The following KCNH7 variants were observed in gnomAD, a reference collection of about 807,000 sequenced individuals.
KCNH7 encodes voltage-gated inwardly rectifying potassium channel KCNH7.
In KCNH7, 49 loss-of-function variants were observed where a neutral mutation model predicts 120.8. The ratio of observed to expected loss-of-function variants is 0.41; its 90% CI spans 0.32 to 0.51. The LOEUF (loss-of-function observed/expected upper bound fraction) is 0.51, where lower values mean the gene tolerates loss of function less well. Ranked by LOEUF, KCNH7 falls within the 20% of genes least tolerant of loss-of-function variation. The probability of loss-of-function intolerance (pLI) is 0.38; values close to 1 mark genes in which losing one functional copy is unlikely to be tolerated. For missense variants in KCNH7, 1,097 were observed against 1,446.6 expected (o/e 0.76, Z 3.92); for synonymous variants, 547 against 516.1 (o/e 1.06, Z -0.81).
At chr2:162,750,174 G>C (rs1038617869) in intron 2 of KCNH7, among the ~76,000 whole-genome samples, 4 of 131,710 alleles carry the variant, frequency 3.0e-5, no homozygotes, top group African/African-American at 8.2e-5. Flanking sequence ...AACACACATC[G>C]GCATTAGCTT....
At chr2:162,678,974 G>T (rs1221289946) in intron 2 of KCNH7, among the ~76,000 whole-genome samples, 2 of 151,620 alleles carry the variant, frequency 1.3e-5, no homozygotes, top group Non-Finnish European at 3.0e-5. Flanking sequence ...GCCTTTGCAG[G>T]ATATTTGAAT....
intron 6 of KCNH7, among the ~76,000 whole-genome samples, chr2:162,447,922 T>C (rs1205525183): frequency 6.6e-6 from 1 of 152,108 alleles, no homozygotes; most frequent in African/African-American, 2.4e-5. Context: ...TGCTTTTTGA[T>C]AACTGCTAAA....
chr2:162,538,508 G>A lies in KCNH7; in HGVS notation c.308-1428C>T, dbSNP rs1394099506. On this transcript the variant is annotated intron_variant, in intron 2 of 15. Coordinates refer to ENST00000332142, the MANE Select transcript of KCNH7 (RefSeq NM_033272.4). ...GTGAGCAAGTGCCAGGACCCCTGGA[G>A]GCTGGAGACAGGGGCCGGGCAAACA... Among the ~76,000 whole-genome samples, 5 of 152,202 alleles carry A rather than the reference G, an allele frequency of 3.3e-5. 1 individual carries two copies. The South Asian group carries it at 1.0e-3, about 32-fold the overall frequency.
At chr2:162,576,607 A>G (rs1693677772) in intron 2 of KCNH7, among the ~76,000 whole-genome samples, 1 of 151,958 alleles carries the variant, frequency 6.6e-6, no homozygotes, top group Non-Finnish European at 1.5e-5. Flanking sequence ...CCCCCTCAAA[A>G]GAGTCCACCT....
chr2:162,787,980 G>A (rs762531099), intron 2 of KCNH7, among the ~76,000 whole-genome samples: 8 of 152,226 alleles, frequency 5.3e-5, no homozygotes, highest in Admixed American at 1.3e-4. Context: ...GCTGACTGGT[G>A]AAGTGCTTTC....
In KCNH7 at chr2:162,469,960, C is replaced by T. The variant is rs539740240; in HGVS notation, c.1129-23517G>A. 1.1e-3 allele frequency among the ~76,000 whole-genome samples: 175 copies of T among 152,336 alleles called. 1 individual carries two copies. The highest frequency in any genetic ancestry group is 3.9e-3 in the African/African-American group (164 of 41,584). On this transcript the variant is annotated intron_variant, in intron 6 of 15. Transcript: ENST00000332142. ...CTGACCGCGAGTGATCCGCCAGCCT[C>T]GGCCTCCCGAGGTGCCGGGATTGCA...
chr2:162,431,297 A>G (rs1688057937), intron 8 of KCNH7, among the ~76,000 whole-genome samples: 1 of 152,046 alleles, frequency 6.6e-6, no homozygotes, highest in South Asian at 2.1e-4. Context: ...AGTTGTAATT[A>G]GCACATATAC....
In KCNH7 at chr2:162,396,914, A is replaced by G. The variant is rs765337174; in HGVS notation, c.2439T>C (p.His813=). ...TAGACTTTCCAGGTTTGGCATAAAG[A>G]TGAACCATTTCTCCAAATATATCAT... ...GKNDIFGEMV[H]LYAKPGKSNA... The change falls in exon 11 of 16, where the codon CAT becomes CAC. Residue 813 remains histidine, a synonymous_variant. Coordinates refer to ENST00000332142, the MANE Select transcript of KCNH7 (RefSeq NM_033272.4). 1 of 1,610,492 alleles carries G rather than the reference A, an allele frequency of 6.2e-7. No individual in the cohort carries two copies. The highest frequency in any genetic ancestry group is 1.7e-5 in the Admixed American group (1 of 59,756).
intron 2 of KCNH7, among the ~76,000 whole-genome samples, chr2:162,549,764 C>G (rs1574090095): frequency 6.6e-6 from 1 of 152,094 alleles, no homozygotes; most frequent in African/African-American, 2.4e-5. Flanking sequence ...GATTCATTTT[C>G]CTTACTGTTG....
chr2:162,838,112 A>C (rs956211007), intron 1 of KCNH7, among the ~76,000 whole-genome samples: 3 of 152,210 alleles, frequency 2.0e-5, no homozygotes, highest in African/African-American at 7.2e-5. Context: ...AGTCTACAGT[A>C]AAACAGCCTC....
At chr2:162,653,976 C>A (rs969303279) in intron 2 of KCNH7, among the ~76,000 whole-genome samples, 9 of 151,980 alleles carry the variant, frequency 5.9e-5, no homozygotes, top group African/African-American at 2.2e-4. Flanking sequence ...TAAATCAACA[C>A]CATATACAAA....
chr2:162,452,542 C>T (rs1167711062), intron 6 of KCNH7, among the ~76,000 whole-genome samples: 2 of 152,030 alleles, frequency 1.3e-5, no homozygotes, highest in East Asian at 3.9e-4. Context: ...ACCTTGAACT[C>T]TTTGACATCA....
chr2:162,582,486 T>A (rs910853060), intron 2 of KCNH7, among the ~76,000 whole-genome samples: 1 of 152,108 alleles, frequency 6.6e-6, no homozygotes, highest in African/African-American at 2.4e-5. Flanking sequence ...TGAGACTTTC[T>A]GCCCTTTTAG....
At chr2:162,600,400 A>C (rs1197592768) in intron 2 of KCNH7, among the ~76,000 whole-genome samples, 7 of 152,204 alleles carry the variant, frequency 4.6e-5, no homozygotes, top group Admixed American at 2.6e-4. Context: ...TCATTCACTC[A>C]TGAAAAAACC....
chr2:162,514,550 T>C (rs932560925), intron 4 of KCNH7, among the ~76,000 whole-genome samples: 1 of 151,806 alleles, frequency 6.6e-6, no homozygotes, highest in African/African-American at 2.4e-5. Context: ...TATTCTTCCA[T>C]GACAATGCAA....
chr2:162,694,343 T>A (rs1242455093), intron 2 of KCNH7, among the ~76,000 whole-genome samples: 1 of 152,202 alleles, frequency 6.6e-6, no homozygotes, highest in Non-Finnish European at 1.5e-5. Context: ...GAACTCAGAC[T>A]GTTCTCCTCT....
intron 2 of KCNH7, 116 bp from the exon 3 acceptor site, chr2:162,537,196 A>G (rs1172707281): frequency 4.2e-6 from 3 of 712,922 alleles, no homozygotes; most frequent in Non-Finnish European, 6.5e-6. Flanking sequence ...GATCACTGAT[A>G]TTAAAAAATA....
rs1686976475 is a variant in KCNH7 at position 162,712,927 on chromosome 2, G to A, written c.307+123610C>T. ...CCAATTGGATGCTGTTTTGGAAGTT[G>A]TAGCTACCTGGCTGTAATCACTCTC... On this transcript the variant is annotated intron_variant, in intron 2 of 15. Coordinates refer to ENST00000332142, the MANE Select transcript of KCNH7 (RefSeq NM_033272.4). Among the ~76,000 whole-genome samples the A allele has an allele frequency of 2.0e-5, 3 of 152,182 alleles. No individual in the cohort carries two copies. The South Asian group carries it at 6.2e-4, about 32-fold the overall frequency.
chr2:162,396,676 T>G (rs1407081204), intron 11 of KCNH7, 64 bp downstream of exon 11: 41 of 1,197,356 alleles, frequency 3.4e-5, no homozygotes, highest in Non-Finnish European at 4.8e-5. Flanking sequence ...CAGAAGTATT[T>G]GTGCAATTCA....
Sources: allele counts gnomAD v4.1 joint callset (sites outside exome capture counted in the v4.1 genomes callset), GRCh38; gene constraint gnomAD v4.1.1; transcripts MANE v1.5; gene names NCBI Gene and HGNC (gene_info 2026-07-23, HGNC 2026-07-21).